Variants in ADAMTSL3 observed in about 807,000 individuals in gnomAD.
ADAMTSL3 encodes ADAMTS like 3.
ADAMTSL3 carries 128 observed loss-of-function variants against 201.7 expected under a neutral mutation model. The observed-to-expected ratio is 0.63, with a 90% CI of 0.55 to 0.73. The LOEUF (loss-of-function observed/expected upper bound fraction) is 0.73. ADAMTSL3 is among the 30% of genes least tolerant of loss of function. The pLI, the probability that ADAMTSL3 is intolerant of heterozygous loss-of-function variation, is 0.00. For missense variants in ADAMTSL3, 1,990 were observed against 2,119.6 expected (o/e 0.94, Z 1.20); for synonymous variants, 738 against 748.4 (o/e 0.99, Z 0.23).
chr15:83,687,584 T>A (rs2061555476), intron 2 of ADAMTSL3, among the ~76,000 whole-genome samples: 1 of 152,110 alleles, frequency 6.6e-6, no homozygotes, highest in Non-Finnish European at 1.5e-5. Flanking sequence ...CTCTTTTGCT[T>A]GCAAGGAGAT....
At chr15:83,782,049 A>AC (rs1391176299) in intron 4 of ADAMTSL3, among the ~76,000 whole-genome samples, 1 of 152,198 alleles carries the variant, frequency 6.6e-6, no homozygotes, top group East Asian at 1.9e-4. Context: ...TAACCGTTAG[A>AC]CCCAAAAATC....
chr15:84,017,397 G>A (rs556931688), intron 25 of ADAMTSL3, among the ~76,000 whole-genome samples: 103 of 152,286 alleles, frequency 6.8e-4, no homozygotes, highest in South Asian at 4.4e-3. Flanking sequence ...GATTACAGGC[G>A]TGAGCCACTG....
chr15:83,892,651 TAAA>T, intron 12 of ADAMTSL3, 30 bp from the exon 13 acceptor site: 1 of 1,561,360 alleles, frequency 6.4e-7, no homozygotes. Flanking sequence ...AAACAACAAA[TAAA>T]TAATATAATT....
In ADAMTSL3 at chr15:84,026,831, AT is replaced by A. The variant is rs141817330; in HGVS notation, c.4656+1396del. 1.8e-3 allele frequency among the ~76,000 whole-genome samples: 275 copies of A among 152,324 alleles called. 4 individuals are homozygous for A. The East Asian group carries it at 0.042, about 23-fold the overall frequency. On this transcript the variant is annotated intron_variant, in intron 27 of 29. Coordinates refer to ENST00000286744, the MANE Select transcript of ADAMTSL3 (RefSeq NM_207517.3). Reference sequence around the variant, plus strand: ...CAATATATAAAACTATTGGAAAAAAATATAGGTGTAAATTTTCATGGCTTGG... The same window carrying A: ...CAATATATAAAACTATTGGAAAAAAAATAGGTGTAAATTTTCATGGCTTGG...
chr15:83,665,838 A>G (rs751818233), intron 2 of ADAMTSL3, among the ~76,000 whole-genome samples: 3 of 152,218 alleles, frequency 2.0e-5, no homozygotes, highest in Non-Finnish European at 4.4e-5. Context: ...CCAAGCCTTC[A>G]TTTACAAATA....
chr15:83,989,914 C>T (rs2067553225), intron 22 of ADAMTSL3, among the ~76,000 whole-genome samples: 1 of 152,192 alleles, frequency 6.6e-6, no homozygotes, highest in Admixed American at 6.5e-5. Context: ...CTTGTAATAA[C>T]CTCATATGGT....
At chr15:84,031,522 T>G (rs2068409643) in intron 28 of ADAMTSL3, 90 bp downstream of exon 28, 2 of 1,167,350 alleles carry the variant, frequency 1.7e-6, no homozygotes, top group Non-Finnish European at 2.5e-6. Flanking sequence ...TCCTTTCTAG[T>G]TTCTACCAAC....
In ADAMTSL3 at chr15:83,773,610, G is replaced by A. The variant is rs760588813; in HGVS notation, c.277G>A (p.Gly93Arg). The stretch of plus-strand genomic sequence containing the variant: ...GAGTGACTGCTCCCGGACCTGTGGG[G>A]GAGGAGCATCATATTCTCTGCGGAG... ...DWSDCSRTCG[G>R]GASYSLRRCL... is the part of the protein sequence containing the mutation. Residue 93 changes from glycine (G) to arginine (R), a missense_variant, in exon 4 of 30, where the codon GGA (glycine) becomes AGA (arginine). Physicochemically the swap from Gly to Arg is moderately radical, Grantham distance 125. Coordinates refer to ENST00000286744, the MANE Select transcript of ADAMTSL3 (RefSeq NM_207517.3). 1 of 1,612,552 alleles carries A rather than the reference G, an allele frequency of 6.2e-7. No individual in the cohort carries two copies. The highest frequency in any genetic ancestry group is 1.1e-5 in the South Asian group (1 of 90,648).
rs548961787 is a variant in ADAMTSL3 at position 83,832,917 on chromosome 15, G to C, written c.601-5172G>C. ...TAGAGGCACGACCTGGTTGGTACCA[G>C]CTCTGCAGACCAAGTTTGATTTGTC... On this transcript the variant is annotated intron_variant, in intron 6 of 29. Transcript: ENST00000286744. Among the ~76,000 whole-genome samples, 107 of 152,152 alleles carry C rather than the reference G, an allele frequency of 7.0e-4. 1 individual carries two copies. The highest frequency in any genetic ancestry group is 1.4e-3 in the Non-Finnish European group (96 of 68,040).
chr15:83,966,057 A>G (rs2067077272), intron 19 of ADAMTSL3, among the ~76,000 whole-genome samples: 1 of 152,214 alleles, frequency 6.6e-6, no homozygotes, highest in African/African-American at 2.4e-5. Flanking sequence ...AATTTATAGC[A>G]CTAAATGGCC....
chr15:83,717,293 A>C (rs1005798871), intron 3 of ADAMTSL3: 3 of 152,218 alleles, frequency 2.0e-5, no homozygotes, highest in Admixed American at 1.3e-4. Flanking sequence ...TTCAATCTTG[A>C]AACTAGAGAA....
intron 21 of ADAMTSL3, among the ~76,000 whole-genome samples, chr15:83,984,536 A>C (rs997594649): frequency 1.3e-5 from 2 of 152,168 alleles, no homozygotes; most frequent in South Asian, 4.1e-4. Context: ...TTGGTTTTAG[A>C]CTCTTTAAAA....
chr15:83,719,851 G>C (rs543472405), intron 3 of ADAMTSL3, among the ~76,000 whole-genome samples: 115 of 152,236 alleles, frequency 7.6e-4, no homozygotes, highest in South Asian at 6.2e-3. Flanking sequence ...GTTGTGGCTT[G>C]GAGGAGTTAA....
intron 23 of ADAMTSL3, among the ~76,000 whole-genome samples, chr15:84,006,830 C>T (rs571605614): frequency 2.0e-4 from 30 of 152,274 alleles, no homozygotes; most frequent in South Asian, 6.2e-4. Context: ...ACACGTGTAA[C>T]GATGCTTCTA....
chr15:83,885,424 T>C (rs1298152671), intron 10 of ADAMTSL3, among the ~76,000 whole-genome samples: 1 of 151,286 alleles, frequency 6.6e-6, no homozygotes, highest in Non-Finnish European at 1.5e-5. Flanking sequence ...ATTTGGAAAA[T>C]ACCTTTTACT....
intron 2 of ADAMTSL3, among the ~76,000 whole-genome samples, chr15:83,659,804 A>T (rs2061138613): frequency 6.6e-6 from 1 of 152,214 alleles, no homozygotes; most frequent in Non-Finnish European, 1.5e-5. Context: ...AGATGCTACC[A>T]TGGAAGCCAG....
chr15:83,873,641 A>T (rs1376982338), intron 9 of ADAMTSL3, among the ~76,000 whole-genome samples: 1 of 145,550 alleles, frequency 6.9e-6, no homozygotes, highest in Non-Finnish European at 1.5e-5. Flanking sequence ...AGCCTCCTAA[A>T]GAGCTGGGAT....
chr15:83,762,516 C>G lies in ADAMTSL3; in HGVS notation c.190-11007C>G, dbSNP rs374087806. Among the ~76,000 whole-genome samples the G allele has an allele frequency of 2.2e-3, 337 of 151,960 alleles. 4 individuals carry two copies. Among genetic ancestry groups the G allele is most frequent in the African/African-American group, 7.4e-3 (304 of 41,258 alleles). On this transcript the variant is annotated intron_variant, in intron 3 of 29. Transcript: ENST00000286744. ...TTTGGTGTCTGGTGAGGGCTCTTCT[C>G]TCTGCTTCCAAGATGGTGCCTTGTT...
intron 4 of ADAMTSL3, among the ~76,000 whole-genome samples, chr15:83,783,279 A>G (rs1330737467): frequency 1.3e-5 from 2 of 151,920 alleles, no homozygotes; most frequent in African/African-American, 2.4e-5. Context: ...AACTATTCAG[A>G]TATCACAAGG....
Sources: gnomAD v4.1 joint callset for allele counts (sites outside exome capture counted in the v4.1 genomes callset) on GRCh38, gnomAD v4.1.1 for gene constraint, MANE v1.5 for transcripts, NCBI Gene and HGNC (gene_info 2026-07-23, HGNC 2026-07-21) for gene names.